Variants in CSMD3 observed in about 807,000 individuals in gnomAD.
CSMD3 encodes the protein CUB and Sushi multiple domains 3.
A neutral mutation model predicts 435.2 loss-of-function variants in CSMD3; 177 were observed. The observed-to-expected ratio is 0.41, with a 90% CI of 0.36 to 0.46. The LOEUF (loss-of-function observed/expected upper bound fraction) is 0.46. Ranked by LOEUF, CSMD3 falls within the 20% of genes least tolerant of loss-of-function variation. The pLI is 0.34. For synonymous variants in CSMD3, 1,656 were observed against 1,520.5 expected, an observed-to-expected ratio of 1.09 and a Z score of -2.07; for missense variants, 4,265 against 4,504.6, an observed-to-expected ratio of 0.95 and a Z score of 1.52.
chr8:113,037,470 T>C (rs1365058997), intron 5 of CSMD3, among the ~76,000 whole-genome samples: 1 of 152,172 alleles, frequency 6.6e-6, no homozygotes, highest in Non-Finnish European at 1.5e-5. Context: ...ATTATTTATC[T>C]TTTTATTTTC....
At chr8:113,044,425 A>G (rs1476588431) in intron 5 of CSMD3, among the ~76,000 whole-genome samples, 1 of 149,164 alleles carries the variant, frequency 6.7e-6, no homozygotes, top group African/African-American at 2.4e-5. Flanking sequence ...AAGATTGTTA[A>G]ACATTTTTTT....
intron 6 of CSMD3, among the ~76,000 whole-genome samples, chr8:113,010,954 T>C (rs920078176): frequency 6.6e-6 from 1 of 151,662 alleles, no homozygotes; most frequent in African/African-American, 2.4e-5. Context: ...TACACTCTTT[T>C]TTTCTTTATA....
intron 13 of CSMD3, among the ~76,000 whole-genome samples, chr8:112,755,451 C>T (rs1427210370): frequency 1.3e-5 from 2 of 151,474 alleles, no homozygotes; most frequent in African/African-American, 2.4e-5. Context: ...GTCTTTTCCC[C>T]CACTTCGTTC....
chr8:113,368,931 C>T (rs1308145775), intron 1 of CSMD3, among the ~76,000 whole-genome samples: 3 of 151,970 alleles, frequency 2.0e-5, no homozygotes, highest in South Asian at 2.1e-4. Context: ...CACCAAGGAA[C>T]GGTGGGTTTG....
chr8:112,383,774 G>GT, intron 36 of CSMD3, 111 bp from the exon 37 acceptor site: 1 of 757,208 alleles, frequency 1.3e-6, no homozygotes, highest in Non-Finnish European at 2.4e-6. Context: ...CCACATAATT[G>GT]TGACCCTTCA....
rs554611331 is a variant in CSMD3, at chr8:112,849,270, C to T, written c.1755+9875G>A. Among the ~76,000 whole-genome samples, 46 of 152,040 alleles carry T rather than the reference C, an allele frequency of 3.0e-4. No individual in the cohort carries two copies. In the East Asian group the frequency reaches 8.7e-3, roughly 29 times the overall value. ...TCTTCGTTGTGAGATTTGCTGACAT[C>T]CTGGAGTCATCAAAATTATCCTCAT... is the stretch of plus-strand genomic sequence containing the variant. On this transcript the variant is annotated intron_variant, in intron 11 of 70. Transcript: ENST00000297405.
chr8:113,013,871 AGT>A (rs2086353687), intron 6 of CSMD3, among the ~76,000 whole-genome samples: 1 of 152,138 alleles, frequency 6.6e-6, no homozygotes, highest in South Asian at 2.1e-4. Context: ...GTTTGCAGAC[AGT>A]GTTCCAGAAG....
intron 3 of CSMD3, among the ~76,000 whole-genome samples, chr8:113,238,558 A>G (rs1031960164): frequency 6.6e-6 from 1 of 152,146 alleles, no homozygotes; most frequent in African/African-American, 2.4e-5. Flanking sequence ...CTTCAGCAAA[A>G]GCCCAGTAGC....
intron 40 of CSMD3, among the ~76,000 whole-genome samples, chr8:112,348,245 T>C (rs1312518974): frequency 2.6e-5 from 4 of 152,238 alleles, no homozygotes; most frequent in Non-Finnish European, 5.9e-5. Flanking sequence ...AGCAGCTTCA[T>C]GTACACTCTT....
At chr8:112,842,811 A>T (rs1166681758) in intron 11 of CSMD3, among the ~76,000 whole-genome samples, 1 of 151,804 alleles carries the variant, frequency 6.6e-6, no homozygotes, top group Non-Finnish European at 1.5e-5. Context: ...TTTATTCCTA[A>T]TTATTCAATG....
chr8:112,833,118 T>C (rs1287942319), intron 11 of CSMD3, among the ~76,000 whole-genome samples: 1 of 152,114 alleles, frequency 6.6e-6, no homozygotes, highest in Non-Finnish European at 1.5e-5. Flanking sequence ...TTAATACTTT[T>C]GTTCTTTGGG....
At chr8:113,310,404 A>G (rs1015036005) in intron 2 of CSMD3, 2 of 151,954 alleles carry the variant, frequency 1.3e-5, no homozygotes, top group Non-Finnish European at 2.9e-5. Flanking sequence ...ATTTGTGCAG[A>G]AAAAACAGCT....
intron 35 of CSMD3, among the ~76,000 whole-genome samples, chr8:112,397,352 A>T (rs1161131847): frequency 2.6e-5 from 4 of 152,170 alleles, no homozygotes; most frequent in Non-Finnish European, 5.9e-5. Flanking sequence ...CACCTGTTCC[A>T]CAAGGAAGAA....
intron 13 of CSMD3, among the ~76,000 whole-genome samples, chr8:112,724,661 C>A (rs2076927733): frequency 2.0e-5 from 3 of 152,008 alleles, no homozygotes; most frequent in Non-Finnish European, 4.4e-5. Flanking sequence ...GGTCCAGCAG[C>A]ATATTTGGGC....
intron 7 of CSMD3, among the ~76,000 whole-genome samples, chr8:112,962,586 A>T (rs2084271645): frequency 6.6e-6 from 1 of 151,960 alleles, no homozygotes; most frequent in African/African-American, 2.4e-5. Context: ...TTAATAAATA[A>T]CAACAGTCCA....
At position 112,363,722 on chromosome 8, in the gene CSMD3, G is replaced by A. The variant is rs551222250; in HGVS notation, c.6137-11188C>T. ...AGATAATCAGGAAATAAAATATGAT[G>A]GAAATAAAAGGAAGCAAACTGTGAT... On this transcript the variant is annotated intron_variant, in intron 38 of 70. Coordinates refer to ENST00000297405, the MANE Select transcript of CSMD3 (RefSeq NM_198123.2). 3.9e-3 allele frequency among the ~76,000 whole-genome samples: 598 copies of A among 151,994 alleles called. 1 individual carries two copies. Among genetic ancestry groups the A allele is most frequent in the South Asian group, 7.3e-3 (35 of 4,822 alleles).
chr8:112,886,251 G>A (rs2081594116), intron 10 of CSMD3, among the ~76,000 whole-genome samples: 2 of 151,498 alleles, frequency 1.3e-5, no homozygotes, highest in South Asian at 4.2e-4. Context: ...CATTGTGTCT[G>A]TACATGTGTA....
At chr8:112,921,024 C>T (rs1014891787) in intron 10 of CSMD3, among the ~76,000 whole-genome samples, 4 of 148,806 alleles carry the variant, frequency 2.7e-5, no homozygotes, top group African/African-American at 9.9e-5. Context: ...CACACACACA[C>T]ACACACACAC....
intron 6 of CSMD3, among the ~76,000 whole-genome samples, chr8:113,014,795 T>C (rs1209221003): frequency 1.3e-5 from 2 of 150,600 alleles, no homozygotes; most frequent in Non-Finnish European, 3.0e-5. Context: ...ATTTGTACTC[T>C]GTGTCTGTAT....
Sources: gnomAD v4.1 joint callset for allele counts (sites outside exome capture counted in the v4.1 genomes callset) on GRCh38, gnomAD v4.1.1 for gene constraint, MANE v1.5 for transcripts, NCBI Gene and HGNC (gene_info 2026-07-23, HGNC 2026-07-21) for gene names.